NKAIN2: variants seen among roughly 807,000 people sequenced by gnomAD.
The protein encoded by NKAIN2 is sodium/potassium transporting ATPase interacting 2.
Under a neutral mutation model 32.6 loss-of-function variants are expected in NKAIN2, and 14 were observed. The ratio of observed to expected loss-of-function variants is 0.43; its 90% CI spans 0.28 to 0.67. NKAIN2 has a LOEUF of 0.67. Among genes scored for constraint, NKAIN2 ranks in the 30% least tolerant of loss-of-function variants. The probability of loss-of-function intolerance (pLI) is 0.17; values close to 1 mark genes in which losing one functional copy is unlikely to be tolerated. For synonymous variants in NKAIN2, 80 were observed against 87.2 expected (o/e 0.92, Z 0.46); for missense variants, 198 against 258.3 (o/e 0.77, Z 1.60).
intron 3 of NKAIN2, among the ~76,000 whole-genome samples, chr6:124,476,959 T>C (rs1008268444): frequency 2.6e-5 from 4 of 152,194 alleles, no homozygotes; most frequent in African/African-American, 9.7e-5. Flanking sequence ...TCAACTGCCT[T>C]AATCAAAGTG....
chr6:124,288,235 A>G (rs1290654967), intron 2 of NKAIN2, among the ~76,000 whole-genome samples: 1 of 152,216 alleles, frequency 6.6e-6, no homozygotes, highest in African/African-American at 2.4e-5. Flanking sequence ...TAGTAGAGTT[A>G]GGAGGTTGAC....
At position 124,260,400 on chromosome 6, in the gene NKAIN2, A is replaced by G. The variant is rs1184977156; in HGVS notation, c.55-22605A>G. 2.0e-5 allele frequency among the ~76,000 whole-genome samples: 3 copies of G among 152,342 alleles called. No homozygotes were observed. In the South Asian group the frequency reaches 6.2e-4, roughly 32 times the overall value. On this transcript the variant is annotated intron_variant, in intron 1 of 6. Coordinates refer to ENST00000368417, the MANE Select transcript of NKAIN2 (RefSeq NM_001040214.3). ...TCAAGGTGAGATTGTAATTTTAGAC[A>G]GAGTGACCAGGATAACTTTTGAGTA...
chr6:124,153,039 A>G (rs948997796), intron 1 of NKAIN2, among the ~76,000 whole-genome samples: 52 of 152,036 alleles, frequency 3.4e-4, no homozygotes, highest in African/African-American at 1.3e-3. Flanking sequence ...TTGTTAATGC[A>G]TACAAAAATA....
chr6:124,516,114 A>G (rs1778904643), intron 3 of NKAIN2, among the ~76,000 whole-genome samples: 1 of 152,188 alleles, frequency 6.6e-6, no homozygotes, highest in Admixed American at 6.6e-5. Context: ...GAAGGAGCTT[A>G]ATTCTAGTGG....
intron 1 of NKAIN2, among the ~76,000 whole-genome samples, chr6:124,231,660 C>T (rs1792467709): frequency 6.6e-6 from 1 of 152,198 alleles, no homozygotes; most frequent in East Asian, 1.9e-4. Context: ...CACAAGCTCT[C>T]TTTTTGCTTT....
chr6:124,662,542 A>AGAT (rs140181623), intron 4 of NKAIN2, among the ~76,000 whole-genome samples: 2 of 152,362 alleles, frequency 1.3e-5, no homozygotes, highest in Non-Finnish European at 2.9e-5. Flanking sequence ...ATTTTTCAAC[A>AGAT]GATTGAGGAA....
chr6:124,626,857 C>T (rs1562292395), intron 3 of NKAIN2, among the ~76,000 whole-genome samples: 1 of 152,086 alleles, frequency 6.6e-6, no homozygotes, highest in African/African-American at 2.4e-5. Context: ...TGAGTCAGGC[C>T]AGAGCCCTTC....
chr6:124,600,873 T>C (rs1156548786), intron 3 of NKAIN2, among the ~76,000 whole-genome samples: 1 of 152,042 alleles, frequency 6.6e-6, no homozygotes, highest in Non-Finnish European at 1.5e-5. Flanking sequence ...TTAATAGGCC[T>C]TCTCGATTTT....
chr6:124,596,234 G>C (rs1440706883), intron 3 of NKAIN2, among the ~76,000 whole-genome samples: 1 of 152,210 alleles, frequency 6.6e-6, no homozygotes, highest in Non-Finnish European at 1.5e-5. Flanking sequence ...GGGGGCATCA[G>C]GGATTACCCC....
chr6:124,247,330 C>G (rs1245038052), intron 1 of NKAIN2, among the ~76,000 whole-genome samples: 1 of 152,112 alleles, frequency 6.6e-6, no homozygotes, highest in Non-Finnish European at 1.5e-5. Flanking sequence ...TTAAAAATTG[C>G]TTTTGCTTCG....
At chr6:124,017,974 G>T (rs1488835399) in intron 1 of NKAIN2, among the ~76,000 whole-genome samples, 1 of 152,188 alleles carries the variant, frequency 6.6e-6, no homozygotes, top group African/African-American at 2.4e-5. Context: ...CTTCTGCACT[G>T]CCCTAGCAGA....
intron 4 of NKAIN2, among the ~76,000 whole-genome samples, chr6:124,736,758 T>C (rs1776966711): frequency 1.3e-5 from 2 of 151,900 alleles, no homozygotes; most frequent in Non-Finnish European, 2.9e-5. Context: ...AGGATTCCTT[T>C]CAAAATATTT....
At chr6:124,661,046 TCAGTG>T (rs927193308) in intron 4 of NKAIN2, among the ~76,000 whole-genome samples, 34 of 152,190 alleles carry the variant, frequency 2.2e-4, no homozygotes, top group Non-Finnish European at 5.9e-5. Context: ...GGAAAATTCC[TCAGTG>T]CTTGTCTCCT....
intron 5 of NKAIN2, among the ~76,000 whole-genome samples, chr6:124,812,286 C>T (rs1780936303): frequency 6.6e-6 from 1 of 152,098 alleles, no homozygotes. Context: ...TGGCAGTCAG[C>T]CAAATTTCAC....
intron 1 of NKAIN2, among the ~76,000 whole-genome samples, chr6:124,031,748 A>C (rs1231330299): frequency 2.6e-5 from 4 of 152,098 alleles, no homozygotes; most frequent in Non-Finnish European, 5.9e-5. Flanking sequence ...CCTGAGTTCT[A>C]GTTTGATTGC....
chr6:123,933,655 A>G (rs975725553), intron 1 of NKAIN2, among the ~76,000 whole-genome samples: 1 of 152,354 alleles, frequency 6.6e-6, no homozygotes, highest in East Asian at 1.9e-4. Flanking sequence ...GGTCATTTCT[A>G]TCACCTAGAA....
rs139873542 is a variant in NKAIN2 at position 124,279,462 on chromosome 6, A to C, written c.55-3543A>C. Among the ~76,000 whole-genome samples, 916 of 148,532 alleles carry C rather than the reference A, an allele frequency of 6.2e-3. 7 individuals carry two copies. The highest frequency in any genetic ancestry group is 0.022 in the African/African-American group (864 of 40,142). On this transcript the variant is annotated intron_variant, in intron 1 of 6. Coordinates refer to ENST00000368417, the MANE Select transcript of NKAIN2 (RefSeq NM_001040214.3). ...GCAGAGCTTGCAGTGAGCCGAGATC[A>C]CACCACTGCACTCCATCCAGCCTGG...
At chr6:123,932,434 T>TTTTTTTTTTTTTTC (rs1481221049) in intron 1 of NKAIN2, among the ~76,000 whole-genome samples, 10 of 91,786 alleles carry the variant, frequency 1.1e-4, no homozygotes, top group Non-Finnish European at 1.9e-4. Flanking sequence ...TTTTTTTTTT[T>TTTTTTTTTTTTTTC]GAGAAAGAGT....
chr6:124,217,855 A>G (rs966718117), intron 1 of NKAIN2, among the ~76,000 whole-genome samples: 1 of 152,052 alleles, frequency 6.6e-6, no homozygotes, highest in Non-Finnish European at 1.5e-5. Context: ...ATACACACAC[A>G]AAGCTCAAAT....
Sources: allele counts gnomAD v4.1 joint callset (sites outside exome capture counted in the v4.1 genomes callset), GRCh38; gene constraint gnomAD v4.1.1; transcripts MANE v1.5; gene names NCBI Gene and HGNC (gene_info 2026-07-23, HGNC 2026-07-21).